CACNA1S: variants seen among roughly 807,000 people sequenced by gnomAD.
CACNA1S encodes voltage-dependent L-type calcium channel subunit alpha-1S.
CACNA1S carries 126 observed loss-of-function variants against 207.4 expected under a neutral mutation model. That is an observed-to-expected ratio of 0.61 (90% CI 0.53 to 0.70). The LOEUF is 0.70. Among genes scored for constraint, CACNA1S ranks in the 30% least tolerant of loss-of-function variants. The pLI, the probability that CACNA1S is intolerant of heterozygous loss-of-function variation, is 0.00. For missense variants in CACNA1S, 2,349 were observed against 2,422.8 expected (o/e 0.97, Z 0.64); for synonymous variants, 960 against 932.7 (o/e 1.03, Z -0.53).
intron 38 of CACNA1S, among the ~76,000 whole-genome samples, chr1:201,046,801 T>G (rs1660486179): frequency 6.6e-6 from 1 of 152,234 alleles, no homozygotes; most frequent in Non-Finnish European, 1.5e-5. Flanking sequence ...CCCATAGTGC[T>G]GGGATTATAG....
At chr1:201,071,486 C>T (rs1172759678) in intron 16 of CACNA1S, among the ~76,000 whole-genome samples, 10 of 152,206 alleles carry the variant, frequency 6.6e-5, no homozygotes, top group Admixed American at 6.5e-5. Context: ...ACTTCCTCCA[C>T]CTATGCCCAG....
chr1:201,095,084 A>G (rs947618672), intron 2 of CACNA1S, among the ~76,000 whole-genome samples: 9 of 151,512 alleles, frequency 5.9e-5, no homozygotes, highest in African/African-American at 2.2e-4. Flanking sequence ...CCCAGCCTGC[A>G]GTCTAGGCCA....
At chr1:201,058,879 G>A (rs1332168714) in intron 27 of CACNA1S, among the ~76,000 whole-genome samples, 3 of 152,194 alleles carry the variant, frequency 2.0e-5, no homozygotes, top group Admixed American at 1.3e-4. Context: ...ACTTGAGAAC[G>A]AAAGAGACAA....
rs767426617 is a variant in CACNA1S, at chr1:201,065,946, C to T, written c.2746-1G>A. On this transcript the variant is annotated splice_acceptor_variant, in intron 21 of 43. Coordinates refer to ENST00000362061, the MANE Select transcript of CACNA1S (RefSeq NM_000069.3). LOFTEE classifies it high-confidence loss of function. ...CCACGAACATGCACTGCACCACGTG[C>T]TGGGGACAGAGGGGCCAATGGGGAC... 1 of 1,607,854 alleles carries T rather than the reference C, an allele frequency of 6.2e-7. No individual in the cohort carries two copies.
At chr1:201,046,400 C>A (rs2102552014) in intron 38 of CACNA1S, among the ~76,000 whole-genome samples, 1 of 151,852 alleles carries the variant, frequency 6.6e-6, no homozygotes, top group East Asian at 1.9e-4. Context: ...AGGCTGGTCT[C>A]AAACTCCTGA....
intron 28 of CACNA1S, 95 bp from the exon 29 acceptor site, chr1:201,054,656 A>G: frequency 1.1e-6 from 1 of 944,288 alleles, no homozygotes; most frequent in East Asian, 3.6e-5. Context: ...GAAAGGACAG[A>G]CACACAGAAG....
chr1:201,095,749 A>C (rs1662399147), intron 2 of CACNA1S, among the ~76,000 whole-genome samples: 1 of 152,230 alleles, frequency 6.6e-6, no homozygotes, highest in Non-Finnish European at 1.5e-5. Flanking sequence ...CTGTTGATGG[A>C]GACTGTGCTT....
chr1:201,077,061 C>A lies in CACNA1S; in HGVS notation c.1686G>T (p.Leu562=), dbSNP rs975358583. The A allele has an allele frequency of 6.2e-7, 1 of 1,614,196 alleles. No homozygotes were observed. The highest frequency in any genetic ancestry group is 8.5e-7 in the Non-Finnish European group (1 of 1,180,034). The change falls in exon 12 of 44, where the codon CTG becomes CTT. Residue 562 remains leucine, a synonymous_variant. Coordinates refer to ENST00000362061, the MANE Select transcript of CACNA1S (RefSeq NM_000069.3). ...CGATGAAGAGGAAGAGCAGCAGCAG[C>A]AGGGAGGCGATGGAGCGGATGGAGT... The part of the protein sequence containing the change: ...LLNSIRSIAS[L]LLLLFLFIVI...
chr1:201,089,314 T>C lies in CACNA1S; in HGVS notation c.844A>G (p.Met282Val), dbSNP rs1467615884. Residue 282 changes from methionine (M) to valine (V), a missense_variant, in exon 6 of 44, where the codon ATG becomes GTG. Coordinates refer to ENST00000362061, the MANE Select transcript of CACNA1S (RefSeq NM_000069.3). ...ITHFDNFGFS[M>V]LTVYQCITME... ...GTAATGCACTGGTACACGGTGAGCA[T>C]GGAGAAGCCGAAGTTGTCGAAGTGG... 5.6e-6 allele frequency: 9 copies of C among 1,614,140 alleles called. No individual in the cohort carries two copies. Among genetic ancestry groups the C allele is most frequent in the South Asian group, 1.1e-5 (1 of 91,094 alleles).
rs750533608 is a variant in CACNA1S at position 201,065,949 on chromosome 1, G to C, written c.2746-4C>G. 2 of 1,601,506 alleles carry C rather than the reference G, an allele frequency of 1.2e-6. No individual in the cohort carries two copies. Among genetic ancestry groups the C allele is most frequent in the East Asian group, 4.5e-5 (2 of 44,706 alleles). On this transcript the variant is annotated splice_region_variant and splice_polypyrimidine_tract_variant and intron_variant, in intron 21 of 43. Transcript: ENST00000362061. ...CGAACATGCACTGCACCACGTGCTG[G>C]GGACAGAGGGGCCAATGGGGACTGG...
chr1:201,051,058 C>T lies in CACNA1S; in HGVS notation c.4039G>A (p.Gly1347Arg). Residue 1347 changes from glycine to arginine, a missense_variant, in exon 33 of 44, where the codon GGG (glycine) becomes AGG (arginine). By Grantham distance (125) the Gly-to-Arg change is moderately radical (BLOSUM62 -2). Transcript: ENST00000362061. ...TTGGTGCCACATGTGTACTCCTCCC[C>T]TGGGGCATAGTCCGACTCTGGGTCA... The part of the protein sequence containing the change: ...LCDPESDYAP[G>R]EEYTCGTNFA... 6 of 1,614,192 alleles carry T rather than the reference C, an allele frequency of 3.7e-6. No individual in the cohort carries two copies. The highest frequency in any genetic ancestry group is 1.3e-5 in the African/African-American group (1 of 75,054).
intron 1 of CACNA1S, among the ~76,000 whole-genome samples, chr1:201,111,922 T>TCCTCCTCTTCCTCCTCCTCCCTCAC (rs367644559): frequency 4.7e-5 from 1 of 21,230 alleles, no homozygotes; most frequent in Non-Finnish European, 8.6e-5. Context: ...TTCCTCTTCC[T>TCCTCCTCTTCCTCCTCCTCCCTCAC]CCTCCTCCTC....
chr1:201,047,430 G>T, intron 37 of CACNA1S, 95 bp downstream of exon 37: 1 of 1,276,212 alleles, frequency 7.8e-7, no homozygotes, highest in Non-Finnish European at 1.1e-6. Flanking sequence ...GGAGGATCTG[G>T]TCCGTTCTCA....
chr1:201,111,643 G>A (rs964301744), intron 1 of CACNA1S, among the ~76,000 whole-genome samples: 6 of 152,038 alleles, frequency 3.9e-5, no homozygotes, highest in Non-Finnish European at 8.8e-5. Flanking sequence ...GCTCACCTCT[G>A]TCCACTGTCA....
At position 201,065,934 on chromosome 1, in the gene CACNA1S, C is replaced by G; in HGVS notation, c.2757G>C (p.Gln919His). The G allele has an allele frequency of 1.2e-6, 2 of 1,612,148 alleles. No homozygotes were observed. The highest frequency in any genetic ancestry group is 2.2e-5 in the South Asian group (2 of 90,910). The change falls in exon 22 of 44, where the codon CAG (glutamine) becomes CAC (histidine). Residue 919 changes from glutamine (Q) to histidine (H), a missense_variant. Transcript: ENST00000362061. ...NRAKGLKHVV[Q>H]CMFVAISTIG... ...TGGTGCTGATGGCCACGAACATGCACTGCACCACGTGCTGGGGACAGAGGG... is the reference window on the plus strand; with the variant it reads ...TGGTGCTGATGGCCACGAACATGCAGTGCACCACGTGCTGGGGACAGAGGG...
At chr1:201,074,117 T>A (rs1375879435) in intron 14 of CACNA1S, among the ~76,000 whole-genome samples, 1 of 152,090 alleles carries the variant, frequency 6.6e-6, no homozygotes, top group African/African-American at 2.4e-5. Flanking sequence ...AGCATAATCC[T>A]CCAACCAGCA....
At chr1:201,082,265 G>T (rs1398040426) in intron 10 of CACNA1S, among the ~76,000 whole-genome samples, 1 of 152,070 alleles carries the variant, frequency 6.6e-6, no homozygotes, top group East Asian at 1.9e-4. Context: ...TTGACCTTGT[G>T]ATCCACCCAC....
In CACNA1S at chr1:201,091,725, G is replaced by A. The variant is rs1477834243; in HGVS notation, c.609C>T (p.Val203=). The change falls in exon 5 of 44, where the codon GTC becomes GTT. Residue 203 remains valine (V), a synonymous_variant. Coordinates refer to ENST00000362061, the MANE Select transcript of CACNA1S (RefSeq NM_000069.3). The part of the protein sequence containing the change: ...MLPLFHIALL[V]LFMVIIYAII... ...TGGCATAGATGATGACCATAAAGAG[G>A]ACCAGCAGGGCGATGTGAAAGAGGG... 1 of 1,614,084 alleles carries A rather than the reference G, an allele frequency of 6.2e-7. No individual in the cohort carries two copies. The highest frequency in any genetic ancestry group is 8.5e-7 in the Non-Finnish European group (1 of 1,179,916).
At chr1:201,094,107 T>A (rs1327850521) in intron 2 of CACNA1S, 86 bp from the exon 3 acceptor site, 23 of 1,562,236 alleles carry the variant, frequency 1.5e-5, no homozygotes, top group Non-Finnish European at 1.9e-5. Flanking sequence ...CTGGGTTCCC[T>A]GCTGTTGCTC....
Sources: gnomAD v4.1 joint callset for allele counts (sites outside exome capture counted in the v4.1 genomes callset) on GRCh38, gnomAD v4.1.1 for gene constraint, MANE v1.5 for transcripts, NCBI Gene and HGNC (gene_info 2026-07-23, HGNC 2026-07-21) for gene names.